Variants in KLF12 observed in about 807,000 individuals in gnomAD.
The protein encoded by KLF12 is KLF transcription factor 12.
KLF12 carries 9 observed loss-of-function variants against 37.8 expected under a neutral mutation model. The ratio of observed to expected loss-of-function variants is 0.24; its 90% CI spans 0.14 to 0.42. The LOEUF is 0.42. Among genes scored for constraint, KLF12 ranks in the 10% least tolerant of loss-of-function variants. The pLI is 1.00. For synonymous variants in KLF12, 208 were observed against 202.1 expected (o/e 1.03, Z -0.25); for missense variants, 411 against 516.0 (o/e 0.80, Z 1.97).
chr13:73,946,955 G>A lies in KLF12; in HGVS notation c.34-2885C>T, dbSNP rs117803847. On this transcript the variant is annotated intron_variant, in intron 2 of 7. Coordinates refer to ENST00000377669, the MANE Select transcript of KLF12 (RefSeq NM_007249.5). ...CAGTCCTTGAAGCAAAATATTGATAGATGTATCTCACTGAACTAAGATCAG... is the reference window on the plus strand; with the variant it reads ...CAGTCCTTGAAGCAAAATATTGATAAATGTATCTCACTGAACTAAGATCAG... 5.3e-5 allele frequency among the ~76,000 whole-genome samples: 8 copies of A among 152,278 alleles called. No homozygotes were observed. In the East Asian group the frequency reaches 1.5e-3, roughly 29 times the overall value.
intron 4 of KLF12, among the ~76,000 whole-genome samples, chr13:73,833,918 G>A (rs527502407): frequency 4.6e-5 from 7 of 152,072 alleles, no homozygotes; most frequent in Middle Eastern, 6.8e-3. Flanking sequence ...CAGACTGCAC[G>A]TCTACACTGG....
At chr13:73,915,576 G>T (rs1031281137) in intron 3 of KLF12, among the ~76,000 whole-genome samples, 1 of 150,930 alleles carries the variant, frequency 6.6e-6, no homozygotes, top group Non-Finnish European at 1.5e-5. Context: ...GCAGTGGCAC[G>T]ATCTTGGCTC....
chr13:73,707,995 T>C (rs1423841495), intron 7 of KLF12, among the ~76,000 whole-genome samples: 1 of 152,150 alleles, frequency 6.6e-6, no homozygotes, highest in East Asian at 1.9e-4. Context: ...ATATAATTAA[T>C]GGAATAAACA....
chr13:74,198,709 G>A, the KLF12 span, among the ~76,000 whole-genome samples: 1 of 152,134 alleles, frequency 6.6e-6, no homozygotes, highest in Admixed American at 6.6e-5. Flanking sequence ...AAAAAACCCA[G>A]TATAGATAGT....
intron 5 of KLF12, among the ~76,000 whole-genome samples, chr13:73,788,593 G>A (rs1394676662): frequency 3.3e-5 from 5 of 152,032 alleles, no homozygotes; most frequent in South Asian, 2.1e-4. Flanking sequence ...CTTTGTGCTC[G>A]TATATCAAGC....
intron 1 of KLF12, among the ~76,000 whole-genome samples, chr13:74,124,797 C>T (rs556064350): frequency 1.3e-4 from 20 of 152,216 alleles, no homozygotes; most frequent in Non-Finnish European, 2.6e-4. Context: ...GGGAAATCAC[C>T]ACAGCTGCCA....
At chr13:73,897,197 AT>A (rs149405541) in intron 3 of KLF12, among the ~76,000 whole-genome samples, 5,860 of 151,870 alleles carry the variant, frequency 0.039, 352 homozygotes, top group African/African-American at 0.13. Flanking sequence ...CTGATGAAAA[AT>A]TTAAAAAAAA....
chr13:74,258,686 G>A, the KLF12 span: 1 of 152,064 alleles, frequency 6.6e-6, no homozygotes, highest in African/African-American at 2.4e-5. Context: ...TGTATGATGG[G>A]GATGGGCAGT....
chr13:73,977,708 A>G (rs1299760173), intron 2 of KLF12, among the ~76,000 whole-genome samples: 1 of 152,182 alleles, frequency 6.6e-6, no homozygotes, highest in Non-Finnish European at 1.5e-5. Context: ...ACATTACCTG[A>G]CTCCAGGAAT....
At chr13:73,821,567 T>C (rs1474434465) in intron 4 of KLF12, among the ~76,000 whole-genome samples, 1 of 152,238 alleles carries the variant, frequency 6.6e-6, no homozygotes, top group Non-Finnish European at 1.5e-5. Flanking sequence ...CTGCTTTTCA[T>C]CGACTTCCTT....
intron 6 of KLF12, among the ~76,000 whole-genome samples, chr13:73,742,155 G>T (rs1878044628): frequency 6.6e-6 from 1 of 151,606 alleles, no homozygotes; most frequent in Non-Finnish European, 1.5e-5. Flanking sequence ...TAAGCAAAGG[G>T]AAAAAAAATA....
At chr13:74,241,674 C>T in the KLF12 span, among the ~76,000 whole-genome samples, 3 of 152,292 alleles carry the variant, frequency 2.0e-5, no homozygotes, top group Non-Finnish European at 2.9e-5. Flanking sequence ...TTAAGCCCGT[C>T]GGAAAAGCGC....
At chr13:73,862,055 G>GT (rs10591257) in intron 3 of KLF12, among the ~76,000 whole-genome samples, 2,260 of 142,934 alleles carry the variant, frequency 0.016, 29 homozygotes, top group African/African-American at 0.039. Flanking sequence ...ATATAGTTGG[G>GT]TTTTTTTTTT....
intron 1 of KLF12, among the ~76,000 whole-genome samples, chr13:74,078,803 C>T (rs1401423279): frequency 6.6e-6 from 1 of 152,140 alleles, no homozygotes; most frequent in Non-Finnish European, 1.5e-5. Context: ...ATAGGGGTAT[C>T]CCTAAATGAG....
intron 1 of KLF12, among the ~76,000 whole-genome samples, chr13:74,071,567 C>T (rs996419084): frequency 2.0e-5 from 3 of 151,946 alleles, no homozygotes; most frequent in Admixed American, 1.3e-4. Flanking sequence ...GTGGCAGGCG[C>T]CTGTAGTCCC....
chr13:73,945,585 C>A (rs1356844867), intron 2 of KLF12, among the ~76,000 whole-genome samples: 1 of 152,044 alleles, frequency 6.6e-6, no homozygotes, highest in Non-Finnish European at 1.5e-5. Flanking sequence ...TATTTCTTGA[C>A]TCTTCTTTTT....
rs541870311 is a variant in KLF12, at chr13:73,882,482, T to A, written c.124-36109A>T. 5.3e-5 allele frequency among the ~76,000 whole-genome samples: 8 copies of A among 152,312 alleles called. No homozygotes were observed. The East Asian group carries it at 1.5e-3, about 29-fold the overall frequency. Reference sequence around the variant, plus strand: ...AAATAATTCTGAATTTAAAAGCAAGTCAATGTATTTAGTGAATAAACATGT... The same window carrying A: ...AAATAATTCTGAATTTAAAAGCAAGACAATGTATTTAGTGAATAAACATGT... On this transcript the variant is annotated intron_variant, in intron 3 of 7. Transcript: ENST00000377669.
At chr13:73,761,878 G>C (rs1879581897) in intron 6 of KLF12, among the ~76,000 whole-genome samples, 1 of 152,118 alleles carries the variant, frequency 6.6e-6, no homozygotes, top group Non-Finnish European at 1.5e-5. Context: ...AAGAGGAGCG[G>C]TCTGATGAAA....
rs538162002 is a variant in KLF12, at chr13:73,707,004, C to T, written c.1027+8364G>A. ...TAAAGCCTTAAAAACAGATTAAAGT[C>T]TCTTGCTCTCTCATTACTTTACCGT... On this transcript the variant is annotated intron_variant, in intron 7 of 7. Coordinates refer to ENST00000377669, the MANE Select transcript of KLF12 (RefSeq NM_007249.5). Among the ~76,000 whole-genome samples the T allele has an allele frequency of 6.9e-4, 105 of 152,292 alleles. 1 individual carries two copies. The highest frequency in any genetic ancestry group is 1.1e-3 in the Non-Finnish European group (77 of 68,026).
Sources: gnomAD v4.1 joint callset for allele counts (sites outside exome capture counted in the v4.1 genomes callset) on GRCh38, gnomAD v4.1.1 for gene constraint, MANE v1.5 for transcripts, NCBI Gene and HGNC (gene_info 2026-07-23, HGNC 2026-07-21) for gene names.